C3orf20: variants seen among roughly 807,000 people sequenced by gnomAD.
C3orf20 encodes uncharacterized protein C3orf20.
In C3orf20, 76 loss-of-function variants were observed where a neutral mutation model predicts 88.3. The observed-to-expected ratio is 0.86, with a 90% CI of 0.72 to 1.04. The LOEUF (loss-of-function observed/expected upper bound fraction) is 1.04. Ranked by LOEUF, C3orf20 falls within the 50% of genes least tolerant of loss-of-function variation. The probability of loss-of-function intolerance (pLI) is 0.00; values close to 1 mark genes in which losing one functional copy is unlikely to be tolerated. For synonymous variants in C3orf20, 436 were observed against 437.4 expected (o/e 1.00, Z 0.04); for missense variants, 1,056 against 1,123.3 (o/e 0.94, Z 0.86).
intron 7 of C3orf20, among the ~76,000 whole-genome samples, chr3:14,704,986 T>C (rs1003749782): frequency 2.0e-5 from 3 of 152,144 alleles, no homozygotes; most frequent in African/African-American, 7.2e-5. Context: ...TAGGAGGCCT[T>C]AAACAATTGG....
At chr3:14,763,221 G>A (rs990559613) in intron 15 of C3orf20, among the ~76,000 whole-genome samples, 1 of 152,202 alleles carries the variant, frequency 6.6e-6, no homozygotes, top group South Asian at 2.1e-4. Flanking sequence ...TTCAGAAGAA[G>A]GCTAGCCTGC....
intron 12 of C3orf20, among the ~76,000 whole-genome samples, chr3:14,745,926 C>G (rs545777499): frequency 6.6e-6 from 1 of 152,316 alleles, no homozygotes; most frequent in East Asian, 1.9e-4. Context: ...ACCATCACCA[C>G]TATTTAATTC....
At chr3:14,676,911 T>A (rs755173437) in intron 1 of C3orf20, among the ~76,000 whole-genome samples, 20 of 152,230 alleles carry the variant, frequency 1.3e-4, no homozygotes, top group Non-Finnish European at 2.2e-4. Flanking sequence ...AGCAGAGCCC[T>A]TCTTTCCTTT....
chr3:14,690,283 T>G lies in C3orf20; in HGVS notation c.745+167T>G, dbSNP rs538318699. On this transcript the variant is annotated intron_variant, in intron 5 of 16. Coordinates refer to ENST00000253697, the MANE Select transcript of C3orf20 (RefSeq NM_032137.5). The stretch of plus-strand genomic sequence containing the variant: ...GATCCAGCAGCTGTCCACACAGATT[T>G]GCTCATGGAAAGGTTGTCACAGTCC... Among the ~76,000 whole-genome samples the G allele has an allele frequency of 4.6e-5, 7 of 152,300 alleles. No homozygotes were observed. In the South Asian group the frequency reaches 1.5e-3, roughly 32 times the overall value.
chr3:14,683,313 C>A, intron 3 of C3orf20, 116 bp downstream of exon 3: 1 of 1,289,108 alleles, frequency 7.8e-7, no homozygotes, highest in Non-Finnish European at 1.0e-6. Context: ...TGGATGCCTT[C>A]CCTCTGCGGC....
chr3:14,747,155 G>C (rs963886584), intron 12 of C3orf20, among the ~76,000 whole-genome samples: 1 of 152,180 alleles, frequency 6.6e-6, no homozygotes, highest in Non-Finnish European at 1.5e-5. Flanking sequence ...ATTAGGTTAG[G>C]TTCTGTCAAG....
At chr3:14,766,741 G>A (rs2035718611) in intron 15 of C3orf20, among the ~76,000 whole-genome samples, 1 of 152,206 alleles carries the variant, frequency 6.6e-6, no homozygotes, top group Non-Finnish European at 1.5e-5. Context: ...AGGCAGGGAG[G>A]GCAGTTGGCC....
intron 15 of C3orf20, chr3:14,767,115 G>A (rs1453822438): frequency 1.3e-5 from 2 of 152,364 alleles, no homozygotes; most frequent in African/African-American, 4.8e-5. Context: ...CTGGCCAACT[G>A]TCTGCCTCGC....
At chr3:14,680,041 A>G (rs1025275714) in intron 1 of C3orf20, among the ~76,000 whole-genome samples, 1 of 152,252 alleles carries the variant, frequency 6.6e-6, no homozygotes, top group Non-Finnish European at 1.5e-5. Flanking sequence ...GAGAGAAATT[A>G]GAATTCTCAA....
Position 14,772,060 on chromosome 3 carries a change from C to G in C3orf20, c.2496-7C>G. 2 of 1,614,178 alleles carry G rather than the reference C, an allele frequency of 1.2e-6. No homozygotes were observed. The highest frequency in any genetic ancestry group is 1.7e-6 in the Non-Finnish European group (2 of 1,180,010). On this transcript the variant is annotated splice_polypyrimidine_tract_variant and splice_region_variant and intron_variant, in intron 15 of 16. Transcript: ENST00000253697. This position sits in a 1 kb window ranked among gnomAD's most constrained non-coding sequence, Gnocchi z 4.2. ...GAGCACTGCCCCCGACCCTGCCTCC[C>G]CTGCAGTGTTCCCAACTCTGTCCTG...
intron 5 of C3orf20, among the ~76,000 whole-genome samples, chr3:14,693,780 GA>G (rs908693220): frequency 6.6e-6 from 1 of 152,148 alleles, no homozygotes; most frequent in African/African-American, 2.4e-5. Context: ...GATTTTAGAG[GA>G]AAGGCTTTCA....
At chr3:14,729,088 A>G (rs2034455379) in intron 12 of C3orf20, among the ~76,000 whole-genome samples, 1 of 152,220 alleles carries the variant, frequency 6.6e-6, no homozygotes, top group Admixed American at 6.5e-5. Flanking sequence ...ACACCCACTC[A>G]TTCACATATC....
intron 5 of C3orf20, among the ~76,000 whole-genome samples, chr3:14,695,861 T>C (rs2032972278): frequency 6.6e-6 from 1 of 152,182 alleles, no homozygotes; most frequent in Non-Finnish European, 1.5e-5. Flanking sequence ...TCCTTTATTT[T>C]CAGTTTATGT....
At chr3:14,754,637 C>T (rs17040258) in intron 12 of C3orf20, among the ~76,000 whole-genome samples, 9,466 of 152,226 alleles carry the variant, frequency 0.062, 451 homozygotes, top group East Asian at 0.21. Flanking sequence ...ATCTAGTCAA[C>T]GGATGTGGTT....
intron 3 of C3orf20, among the ~76,000 whole-genome samples, chr3:14,683,939 G>C (rs1357094510): frequency 6.6e-6 from 1 of 151,092 alleles, no homozygotes; most frequent in Non-Finnish European, 1.5e-5. Flanking sequence ...CCAGGATCAA[G>C]GCCAGGACCT....
At chr3:14,690,490 A>G (rs1222023030) in intron 5 of C3orf20, among the ~76,000 whole-genome samples, 1 of 152,194 alleles carries the variant, frequency 6.6e-6, no homozygotes, top group East Asian at 1.9e-4. Context: ...AAGTGGGGGA[A>G]CTAGTATCTG....
intron 1 of C3orf20, among the ~76,000 whole-genome samples, chr3:14,675,653 A>G (rs6804489): frequency 0.43 from 65,664 of 151,962 alleles, 16,338 homozygotes; most frequent in South Asian, 0.65. Flanking sequence ...CCCTCAATTG[A>G]AACAGCTTCT....
At chr3:14,682,464 A>T (rs1038897190) in intron 2 of C3orf20, 114 bp from the exon 3 acceptor site, 1 of 512,586 alleles carries the variant, frequency 2.0e-6, no homozygotes, top group Non-Finnish European at 3.4e-6. Flanking sequence ...TCCCAAAGTG[A>T]CTCACTAACA....
rs775349461 is a variant in C3orf20, at chr3:14,726,916, A to G, written c.1582A>G (p.Ser528Gly). 8.2e-5 allele frequency: 132 copies of G among 1,614,138 alleles called. No individual in the cohort carries two copies. Among genetic ancestry groups the G allele is most frequent in the Non-Finnish European group, 1.1e-4 (130 of 1,180,028 alleles). The change falls in exon 11 of 17, where the codon AGC (serine) becomes GGC (glycine). Residue 528 changes from serine to glycine, a missense_variant. Physicochemically the swap from Ser to Gly is moderately conservative, Grantham distance 56. Coordinates refer to ENST00000253697, the MANE Select transcript of C3orf20 (RefSeq NM_032137.5). ...CCCTCTCCAGCTGAACCGCAGAATC[A>G]GCAACATGGACGACAAGGTGTATAA... is the stretch of plus-strand genomic sequence containing the variant. The part of the protein sequence containing the change: ...AYDKRLNRRI[S>G]NMDDKVYKMS...
Sources: gnomAD v4.1 joint callset for allele counts (sites outside exome capture counted in the v4.1 genomes callset) on GRCh38, gnomAD v4.1.1 for gene constraint, Gnocchi (gnomAD v3.1) non-coding constraint, MANE v1.5 for transcripts, NCBI Gene and HGNC (gene_info 2026-07-23, HGNC 2026-07-21) for gene names.